The following PIWIL4 variants were observed in gnomAD, a reference collection of about 807,000 sequenced individuals.
PIWIL4 encodes piwi-like protein 4.
Under a neutral mutation model 100.9 loss-of-function variants are expected in PIWIL4, and 50 were observed. The ratio of observed to expected loss-of-function variants is 0.50; its 90% CI spans 0.39 to 0.63. The LOEUF is 0.63. Among genes scored for constraint, PIWIL4 ranks in the 20% least tolerant of loss-of-function variants. The probability of loss-of-function intolerance (pLI) is 0.00; values close to 1 mark genes in which losing one functional copy is unlikely to be tolerated. For missense variants in PIWIL4, 887 were observed against 1,043.3 expected, an observed-to-expected ratio of 0.85 and a Z score of 2.06; for synonymous variants, 342 against 367.5, an observed-to-expected ratio of 0.93 and a Z score of 0.79.
intron 2 of PIWIL4, 98 bp downstream of exon 2, chr11:94,568,906 A>T (rs532386624): frequency 3.9e-6 from 4 of 1,036,280 alleles, no homozygotes; most frequent in Non-Finnish European, 5.9e-6. Context: ...CCTCTTGCAC[A>T]TCCTGATTTC....
chr11:94,608,755 T>C (rs868331816), intron 15 of PIWIL4, 69 bp downstream of exon 15: 1 of 1,310,118 alleles, frequency 7.6e-7, no homozygotes, highest in Middle Eastern at 1.8e-4. Flanking sequence ...CACTAAAGAA[T>C]GTAACAGCAA....
Position 94,619,995 on chromosome 11 carries a change from A to C in PIWIL4, c.2295-2A>C. On this transcript the variant is annotated splice_acceptor_variant, in intron 18 of 19. Transcript: ENST00000299001. LOFTEE classifies it high-confidence loss of function. ...CTACATTCATTCCATTTTCCCCCTC[A>C]GGTATGACTTTTATCTGATCAGCCA... 6.2e-7 allele frequency: 1 copy of C among 1,614,112 alleles called. No homozygotes were observed. The highest frequency in any genetic ancestry group is 1.1e-5 in the South Asian group (1 of 91,080).
rs112392209 is a variant in PIWIL4, at chr11:94,583,042, A to ATG, written c.514-405_514-404insGT. On this transcript the variant is annotated intron_variant, in intron 4 of 19. Coordinates refer to ENST00000299001, the MANE Select transcript of PIWIL4 (RefSeq NM_152431.3). ...ACTGTTGTGGTGTGTGTATATATAT[A>ATG]TATGTGTGTGTGTGTGTGTGTGTGT... 8.2e-3 allele frequency among the ~76,000 whole-genome samples: 1,153 copies of ATG among 140,400 alleles called. 9 individuals carry two copies. Among genetic ancestry groups the ATG allele is most frequent in the African/African-American group, 0.019 (723 of 38,310 alleles). 92.1% of individuals were successfully genotyped at this position (140,400 alleles called of 152,430 possible).
intron 9 of PIWIL4, 117 bp from the exon 10 acceptor site, chr11:94,595,192 A>G (rs1948540153): frequency 2.8e-6 from 2 of 726,692 alleles, no homozygotes; most frequent in African/African-American, 3.5e-5. Context: ...TTTCATTTCT[A>G]TTGGATGTGC....
intron 13 of PIWIL4, among the ~76,000 whole-genome samples, chr11:94,604,344 C>A (rs1161555362): frequency 6.6e-6 from 1 of 152,154 alleles, no homozygotes; most frequent in Non-Finnish European, 1.5e-5. Flanking sequence ...TTAAGATAAA[C>A]TGACTCCCAC....
chr11:94,598,445 G>T (rs1414716365), intron 11 of PIWIL4, among the ~76,000 whole-genome samples: 1 of 152,118 alleles, frequency 6.6e-6, no homozygotes, highest in Non-Finnish European at 1.5e-5. Flanking sequence ...GGGGAGAGAG[G>T]CATTCTGAAA....
intron 11 of PIWIL4, among the ~76,000 whole-genome samples, chr11:94,601,014 C>G (rs1234034362): frequency 1.3e-5 from 2 of 151,186 alleles, no homozygotes; most frequent in East Asian, 3.9e-4. Context: ...AACACACATC[C>G]TCTACAATTT....
rs769286955 is a variant in PIWIL4 at position 94,597,871 on chromosome 11, G to T, written c.1336G>T (p.Gly446Cys). The T allele has an allele frequency of 1.9e-6, 3 of 1,613,882 alleles. No individual in the cohort carries two copies. Among genetic ancestry groups the T allele is most frequent in the South Asian group, 2.2e-5 (2 of 91,084 alleles). Residue 446 changes from glycine to cysteine, a missense_variant, in exon 11 of 20, where the codon GGC becomes TGC. Around this residue, in one of 2 missense-constraint regions of PIWIL4, gnomAD observed 741 missense variants for 930.0 expected, o/e 0.80. Transcript: ENST00000299001. The part of the protein sequence containing the change: ...LHFGSQISLT[G>C]RIVPSEKILM... The stretch of plus-strand genomic sequence containing the variant: ...TTTTGGAAGCCAGATATCTCTGACT[G>T]GCCGGATTGTGCCTTCAGAAAAAAT...
At chr11:94,601,440 C>T (rs1948639594) in intron 11 of PIWIL4, among the ~76,000 whole-genome samples, 2 of 152,138 alleles carry the variant, frequency 1.3e-5, no homozygotes, top group South Asian at 4.1e-4. Flanking sequence ...TAAAATGATA[C>T]AGGCTGTTTG....
chr11:94,608,001 A>C (rs1948743341), intron 14 of PIWIL4, among the ~76,000 whole-genome samples: 1 of 152,212 alleles, frequency 6.6e-6, no homozygotes, highest in Admixed American at 6.5e-5. Context: ...GGCATAGCCT[A>C]TGACCTGAAC....
intron 11 of PIWIL4, among the ~76,000 whole-genome samples, chr11:94,600,390 A>G (rs567005757): frequency 1.8e-4 from 27 of 152,292 alleles, no homozygotes; most frequent in African/African-American, 6.0e-4. Context: ...TCCAGGGGAG[A>G]CATCACATGT....
chr11:94,597,725 A>T, intron 10 of PIWIL4, 79 bp from the exon 11 acceptor site: 1 of 979,280 alleles, frequency 1.0e-6, no homozygotes, highest in Non-Finnish European at 1.6e-6. Context: ...TCCTGAAGAC[A>T]CAGAAAATCA....
intron 2 of PIWIL4, among the ~76,000 whole-genome samples, chr11:94,573,893 A>G (rs912276030): frequency 1.3e-5 from 2 of 152,072 alleles, no homozygotes; most frequent in Non-Finnish European, 2.9e-5. Flanking sequence ...GAAACTCTGT[A>G]CTCATTAATT....
At chr11:94,605,430 G>A (rs2135288997) in intron 13 of PIWIL4, among the ~76,000 whole-genome samples, 1 of 152,326 alleles carries the variant, frequency 6.6e-6, no homozygotes, top group South Asian at 2.1e-4. Context: ...GAGTAGCACA[G>A]CAATGATCCT....
At position 94,575,025 on chromosome 11, in the gene PIWIL4, G is replaced by T; in HGVS notation, c.193G>T (p.Ala65Ser). ...TAAATATGGGATATCTTCTGGTGAT[G>T]CTGGAAGTACCTTCATGGAAAGAGG... The part of the protein sequence containing the change: ...NDKYGISSGD[A>S]GSTFMERGVK... The change falls in exon 3 of 20, where the codon GCT becomes TCT. Residue 65 changes from alanine (A) to serine (S), a missense_variant. By Grantham distance (99) the Ala-to-Ser change is moderately conservative. This residue lies in a region of PIWIL4 where 146 missense variants were observed against 113.4 expected (regional missense o/e 1.29). Transcript: ENST00000299001. 1 of 1,613,010 alleles carries T rather than the reference G, an allele frequency of 6.2e-7. No homozygotes were observed. Among genetic ancestry groups the T allele is most frequent in the Non-Finnish European group, 8.5e-7 (1 of 1,179,040 alleles).
In PIWIL4 at chr11:94,606,601, G is replaced by T. The variant is rs576012980; in HGVS notation, c.1639-838G>T. ...TCCCAGCACTTTGGGAGGCCAGGCC[G>T]GGGTGAGTGGATCACAAGGTCAGGC... is the stretch of plus-strand genomic sequence containing the variant. On this transcript the variant is annotated intron_variant, in intron 13 of 19. Coordinates refer to ENST00000299001, the MANE Select transcript of PIWIL4 (RefSeq NM_152431.3). Among the ~76,000 whole-genome samples the T allele has an allele frequency of 1.4e-3, 206 of 152,178 alleles. 2 individuals carry two copies. Among genetic ancestry groups the T allele is most frequent in the Non-Finnish European group, 2.3e-3 (159 of 67,998 alleles).
intron 15 of PIWIL4, among the ~76,000 whole-genome samples, chr11:94,613,699 A>G (rs1259026207): frequency 6.6e-6 from 1 of 152,050 alleles, no homozygotes; most frequent in Admixed American, 6.6e-5. Flanking sequence ...AGATTCTTCT[A>G]CCTGATCAAG....
Position 94,583,435 on chromosome 11 carries a change from C to T in PIWIL4, c.514-13C>T. The T allele has an allele frequency of 6.2e-7, 1 of 1,612,810 alleles. No homozygotes were observed. The highest frequency in any genetic ancestry group is 8.5e-7 in the Non-Finnish European group (1 of 1,179,046). ...AATTTGTAGGGTGCATATTAAGTAC[C>T]TCTTTTTCCCAGGTCACAGAGTTGT... is the stretch of plus-strand genomic sequence containing the variant. On this transcript the variant is annotated splice_polypyrimidine_tract_variant and intron_variant, in intron 4 of 19. Coordinates refer to ENST00000299001, the MANE Select transcript of PIWIL4 (RefSeq NM_152431.3).
chr11:94,616,346 T>C (rs141310646), intron 15 of PIWIL4, 147 bp from the exon 16 acceptor site: 2 of 488,596 alleles, frequency 4.1e-6, no homozygotes, highest in Non-Finnish European at 3.4e-6. Flanking sequence ...AAGGGTCTCT[T>C]TGATATAATT....
Sources: allele counts gnomAD v4.1 joint callset (sites outside exome capture counted in the v4.1 genomes callset), GRCh38; gene constraint gnomAD v4.1.1; regional missense constraint gnomAD v4.1.1; transcripts MANE v1.5; gene names NCBI Gene and HGNC (gene_info 2026-07-23, HGNC 2026-07-21).